Variants in ATP2B2 observed in about 807,000 individuals in gnomAD.
ATP2B2 encodes the protein plasma membrane calcium-transporting ATPase 2.
A neutral mutation model predicts 120.0 loss-of-function variants in ATP2B2; 15 were observed. The ratio of observed to expected loss-of-function variants is 0.12; its 90% confidence interval spans 0.08 to 0.19. ATP2B2 has a LOEUF of 0.19. ATP2B2 is among the 10% of genes least tolerant of loss of function. ATP2B2 has a pLI of 1.00. For missense variants in ATP2B2, 1,045 were observed against 1,719.8 expected (o/e 0.61, Z 6.94); for synonymous variants, 694 against 700.3 (o/e 0.99, Z 0.14).
intron 1 of ATP2B2, among the ~76,000 whole-genome samples, chr3:10,695,480 A>G (rs925971622): frequency 1.3e-5 from 2 of 152,160 alleles, no homozygotes; most frequent in East Asian, 3.9e-4. Flanking sequence ...GCCAATTCTG[A>G]GCCTAGGTCT....
At chr3:10,666,890 C>A (rs1019293140) in intron 1 of ATP2B2, among the ~76,000 whole-genome samples, 46 of 152,224 alleles carry the variant, frequency 3.0e-4, no homozygotes, top group Admixed American at 3.9e-4. Context: ...GTTCTGCCCC[C>A]ACGACTCTCT....
upstream of ATP2B2, among the ~76,000 whole-genome samples, chr3:10,510,048 A>G (rs1237775603): frequency 1.3e-5 from 2 of 152,224 alleles, no homozygotes; most frequent in Non-Finnish European, 2.9e-5. Context: ...GGCGGAGAGT[A>G]GGTGGCTTCC....
Position 10,402,122 on chromosome 3 carries a change from G to C in ATP2B2, c.624C>G (p.Ile208Met). 1 of 1,614,076 alleles carries C rather than the reference G, an allele frequency of 6.2e-7. No individual in the cohort carries two copies. Among genetic ancestry groups the C allele is most frequent in the Non-Finnish European group, 8.5e-7 (1 of 1,180,044 alleles). Residue 208 changes from isoleucine (I) to methionine (M), a missense_variant, in exon 4 of 23, where the codon ATC becomes ATG. Physicochemically the swap from Ile to Met is conservative, Grantham distance 10. Transcript: ENST00000360273. The surrounding 1 kb of genome is among the most constrained non-coding windows in gnomAD (Gnocchi z 4.9). ...GQVVQIPVAE[I>M]VVGDIAQVKY... Reference sequence around the variant, plus strand: ...TGACCTGGGCTATGTCCCCAACCACGATCTCAGCCACAGGGATCTGGACCA... The same window carrying C: ...TGACCTGGGCTATGTCCCCAACCACCATCTCAGCCACAGGGATCTGGACCA...
intron 22 of ATP2B2, among the ~76,000 whole-genome samples, chr3:10,334,616 G>C (rs554294147): frequency 1.3e-5 from 2 of 152,254 alleles, no homozygotes; most frequent in South Asian, 4.2e-4. Flanking sequence ...TTTCATCTTG[G>C]CTCCCCGGTC....
At chr3:10,688,128 A>G (rs1292804730) in intron 1 of ATP2B2, among the ~76,000 whole-genome samples, 1 of 152,152 alleles carries the variant, frequency 6.6e-6, no homozygotes, top group African/African-American at 2.4e-5. Context: ...AAGGTTTATC[A>G]CTTTCCTGCC....
intron 6 of ATP2B2, 83 bp from the exon 7 acceptor site, chr3:10,386,595 A>C: frequency 6.9e-7 from 1 of 1,439,548 alleles, no homozygotes; most frequent in Non-Finnish European, 9.8e-7. Context: ...ACACACAAAC[A>C]CACATGTGCA....
intron 2 of ATP2B2, among the ~76,000 whole-genome samples, chr3:10,580,159 C>T (rs888120866): frequency 1.3e-5 from 2 of 152,200 alleles, no homozygotes; most frequent in African/African-American, 4.8e-5. Flanking sequence ...GGTGACAGGG[C>T]TGGATGGCAG....
intron 2 of ATP2B2, among the ~76,000 whole-genome samples, chr3:10,542,789 G>T (rs7617092): frequency 0.16 from 24,198 of 152,086 alleles, 2,967 homozygotes; most frequent in East Asian, 0.47. Flanking sequence ...TTTTAGAAAT[G>T]TATTTTTTGT....
chr3:10,660,282 C>A (rs1163848057), intron 1 of ATP2B2, among the ~76,000 whole-genome samples: 1 of 152,068 alleles, frequency 6.6e-6, no homozygotes, highest in Non-Finnish European at 1.5e-5. Flanking sequence ...ACACAAAAAA[C>A]CCTTCAAAAA....
At position 10,340,685 on chromosome 3, in the gene ATP2B2, G is replaced by A. The variant is rs530163146; in HGVS notation, c.2937C>T (p.Ile979=). ...LLFVGEKMFQ[I]DSGRNAPLHS... The stretch of plus-strand genomic sequence containing the variant: ...GCAGGGGCGCGTTCCTCCCGCTGTC[G>A]ATCTGGAACATCTTCTCGCCTGCCA... Residue 979 remains isoleucine, a synonymous_variant, in exon 20 of 23, where the codon ATC becomes ATT. Coordinates refer to ENST00000360273, the MANE Select transcript of ATP2B2 (RefSeq NM_001001331.4). The surrounding 1 kb of genome is among the most constrained non-coding windows in gnomAD (Gnocchi z 5.0). 30 of 1,613,992 alleles carry A rather than the reference G, an allele frequency of 1.9e-5. 2 individuals carry two copies. In the South Asian group the frequency reaches 2.2e-4, roughly 12 times the overall value.
At chr3:10,573,173 T>C (rs1196390197) in intron 2 of ATP2B2, among the ~76,000 whole-genome samples, 1 of 149,994 alleles carries the variant, frequency 6.7e-6, no homozygotes. Flanking sequence ...TTGCATGGAA[T>C]ATACTCTAGT....
chr3:10,580,615 C>T (rs939974948), intron 2 of ATP2B2, among the ~76,000 whole-genome samples: 9 of 152,150 alleles, frequency 5.9e-5, no homozygotes, highest in Admixed American at 3.9e-4. Flanking sequence ...TATCCCTGTC[C>T]GCAGCCCCTC....
At position 10,325,558 on chromosome 3, in the gene ATP2B2, T is replaced by G. The variant is rs1323094565; in HGVS notation, c.*3256A>C. ...GAGTCCTTTGAGCCAGTGCAGTCAT[T>G]TTAATTGGTCCAGTCTCAGAAATAG... On this transcript the variant is annotated 3_prime_UTR_variant, in exon 23 of 23. Transcript: ENST00000360273. The G allele has an allele frequency of 1.3e-5, 2 of 152,166 alleles. No individual in the cohort carries two copies. Among genetic ancestry groups the G allele is most frequent in the African/African-American group, 4.8e-5 (2 of 41,432 alleles). The allele number at this position is 152,166 out of a possible 1,614,324, so 9.4% of individuals were successfully genotyped here. A position where few individuals can be genotyped will look rare whatever the true frequency, so the allele number is the denominator to read the frequency against.
At chr3:10,453,964 CCATG>C (rs1235811447) in intron 1 of ATP2B2, among the ~76,000 whole-genome samples, 4 of 150,104 alleles carry the variant, frequency 2.7e-5, no homozygotes, top group South Asian at 2.2e-4. Flanking sequence ...ATCCATCCAT[CCATG>C]CACTCGCTCA....
chr3:10,494,570 T>C (rs1391124553), intron 1 of ATP2B2, among the ~76,000 whole-genome samples: 1 of 152,172 alleles, frequency 6.6e-6, no homozygotes, highest in African/African-American at 2.4e-5. Context: ...AAAACTCTCT[T>C]TGGGAAGTGC....
At chr3:10,683,163 A>AT (rs61669408) in intron 1 of ATP2B2, among the ~76,000 whole-genome samples, 3,923 of 148,262 alleles carry the variant, frequency 0.026, 157 homozygotes, top group African/African-American at 0.089. Context: ...TTAAAAAAAA[A>AT]TTTTTTTTTT....
intron 3 of ATP2B2, among the ~76,000 whole-genome samples, chr3:10,404,548 G>T (rs1559293403): frequency 6.6e-6 from 1 of 152,244 alleles, no homozygotes; most frequent in Non-Finnish European, 1.5e-5. Context: ...TGAGCACACA[G>T]TAAATGCTCA....
chr3:10,552,515 T>C (rs1161856094), intron 2 of ATP2B2, among the ~76,000 whole-genome samples: 1 of 152,234 alleles, frequency 6.6e-6, no homozygotes, highest in East Asian at 1.9e-4. Flanking sequence ...TCTCACATAC[T>C]TAACATCAGA....
chr3:10,678,717 ATTAAC>A (rs912304791), intron 1 of ATP2B2, among the ~76,000 whole-genome samples: 4 of 152,202 alleles, frequency 2.6e-5, no homozygotes, highest in Admixed American at 6.5e-5. Context: ...GGGTTAACCC[ATTAAC>A]TTCACTGAGT....
Sources: gnomAD v4.1 joint callset for allele counts (sites outside exome capture counted in the v4.1 genomes callset) on GRCh38, gnomAD v4.1.1 for gene constraint, Gnocchi (gnomAD v3.1) non-coding constraint, MANE v1.5 for transcripts, NCBI Gene and HGNC (gene_info 2026-07-23, HGNC 2026-07-21) for gene names.